Variants in ACYP2 observed in about 807,000 individuals in gnomAD.
ACYP2 encodes acylphosphatase-2.
Under a neutral mutation model 11.2 loss-of-function variants are expected in ACYP2, and 12 were observed. That is an observed-to-expected ratio of 1.08 (90% CI 0.69 to 1.74). ACYP2 has a LOEUF of 1.74. Ranked by LOEUF, ACYP2 falls within the 40% of genes most tolerant of loss-of-function variation. The probability of loss-of-function intolerance (pLI) is 0.00; values close to 1 mark genes in which losing one functional copy is unlikely to be tolerated. For missense variants in ACYP2, 134 were observed against 101.9 expected, an observed-to-expected ratio of 1.31 and a Z score of -1.35; for synonymous variants, 43 against 32.2, an observed-to-expected ratio of 1.33 and a Z score of -1.13.
At chr2:54,223,951 C>T (rs1278479932) in intron 6 of ACYP2, among the ~76,000 whole-genome samples, 1 of 151,852 alleles carries the variant, frequency 6.6e-6, no homozygotes, top group South Asian at 2.1e-4. Context: ...TATATTCTTA[C>T]CTAATTAAAG....
At chr2:54,049,484 C>G (rs978252467) in intron 2 of ACYP2, among the ~76,000 whole-genome samples, 1 of 152,164 alleles carries the variant, frequency 6.6e-6, no homozygotes, top group African/African-American at 2.4e-5. Context: ...CAAAACCTTC[C>G]CTTGTCAAAA....
chr2:54,115,467 GCCTGGGGCCCAGCGGCCTCTTCCCT>G (rs1572786019), intron 4 of ACYP2, 123 bp from the exon 1 acceptor site: 1 of 1,148,258 alleles, frequency 8.7e-7, no homozygotes, highest in Non-Finnish European at 1.2e-6. Flanking sequence ...GGCCTAGGAT[GCCTGGGGCCCAGCGGCCTCTTCCCT>G]CCTGGCGTCC....
chr2:54,115,581 C>T (rs777972525), intron 4 of ACYP2, 34 bp from the exon 1 acceptor site: 83 of 1,540,844 alleles, frequency 5.4e-5, no homozygotes, highest in Non-Finnish European at 6.4e-5. Context: ...GCGTCCGGGA[C>T]CGGTGACAGG....
At chr2:53,971,642 G>C (rs1255949803) in intron 1 of ACYP2, among the ~76,000 whole-genome samples, 1 of 152,188 alleles carries the variant, frequency 6.6e-6, no homozygotes. Context: ...CAGAGATAAA[G>C]ACGTGAATTA....
chr2:54,135,350 C>A, intron 4 of ACYP2, 103 bp from the exon 2 acceptor site: 1 of 1,049,084 alleles, frequency 9.5e-7, no homozygotes, highest in Non-Finnish European at 1.4e-6. Context: ...GAAGGTGAAA[C>A]CAAGGATAAA....
intron 6 of ACYP2, among the ~76,000 whole-genome samples, chr2:54,278,751 T>C (rs570825166): frequency 1.2e-4 from 19 of 152,368 alleles, no homozygotes; most frequent in East Asian, 5.8e-4. Flanking sequence ...TAATGAAACA[T>C]ACCTATTTAC....
chr2:54,280,827 G>A (rs953857834), intron 6 of ACYP2, among the ~76,000 whole-genome samples: 3 of 152,126 alleles, frequency 2.0e-5, no homozygotes, highest in East Asian at 1.9e-4. Context: ...AAACTTAATC[G>A]ATAGGAAGAA....
At chr2:54,171,104 C>T (rs1683203254) in intron 6 of ACYP2, among the ~76,000 whole-genome samples, 1 of 152,178 alleles carries the variant, frequency 6.6e-6, no homozygotes, top group South Asian at 2.1e-4. Context: ...TGAGCCAGAG[C>T]TCCTCTCAAG....
intron 6 of ACYP2, among the ~76,000 whole-genome samples, chr2:54,219,881 G>GTGTGTGTATATATATA (rs1222539416): frequency 1.0e-5 from 1 of 99,472 alleles, no homozygotes; most frequent in Non-Finnish European, 1.9e-5. Context: ...GTGTGTGTGT[G>GTGTGTGTATATATATA]TATATATATA....
At chr2:54,069,593 C>T (rs1226822913) in intron 4 of ACYP2, among the ~76,000 whole-genome samples, 4 of 152,068 alleles carry the variant, frequency 2.6e-5, no homozygotes, top group Non-Finnish European at 4.4e-5. Context: ...ACCCGGGAGG[C>T]GGAGCTTGCA....
At chr2:54,255,267 C>A in intron 6 of ACYP2, 1 of 1,614,182 alleles carries the variant, frequency 6.2e-7, no homozygotes, top group South Asian at 1.1e-5. Flanking sequence ...GAAAGAAGAA[C>A]TTAAACTTGC....
intron 6 of ACYP2, among the ~76,000 whole-genome samples, chr2:54,235,078 A>T (rs972273652): frequency 3.9e-5 from 6 of 152,052 alleles, no homozygotes; most frequent in African/African-American, 7.2e-5. Context: ...CTTTTTGAAG[A>T]CCCCTATTAT....
intron 4 of ACYP2, among the ~76,000 whole-genome samples, chr2:54,114,010 A>G (rs1435259734): frequency 6.6e-6 from 1 of 152,118 alleles, no homozygotes; most frequent in African/African-American, 2.4e-5. Context: ...TAACTGCACT[A>G]GCATTTCCAG....
chr2:54,277,672 C>T (rs917546293), intron 6 of ACYP2, among the ~76,000 whole-genome samples: 7 of 150,554 alleles, frequency 4.6e-5, no homozygotes, highest in East Asian at 1.9e-4. Context: ...AGAGAGACTC[C>T]GTCTTAAAAA....
chr2:54,162,542 G>A (rs1320886732), intron 6 of ACYP2, among the ~76,000 whole-genome samples: 1 of 152,110 alleles, frequency 6.6e-6, no homozygotes, highest in Non-Finnish European at 1.5e-5. Context: ...TGTTAGAAAT[G>A]CAGATTCTCG....
intron 6 of ACYP2, among the ~76,000 whole-genome samples, chr2:54,211,237 T>C (rs1685318837): frequency 6.6e-6 from 1 of 152,202 alleles, no homozygotes; most frequent in Non-Finnish European, 1.5e-5. Context: ...GATTCATAAA[T>C]TTTTGTTTTA....
intron 6 of ACYP2, among the ~76,000 whole-genome samples, chr2:54,187,133 A>G (rs1684044124): frequency 6.6e-6 from 1 of 152,212 alleles, no homozygotes; most frequent in South Asian, 2.1e-4. Flanking sequence ...TACGTTTACT[A>G]TAAGCCAAGA....
At chr2:54,297,740 T>C (rs1203271343) in intron 6 of ACYP2, among the ~76,000 whole-genome samples, 1 of 136,822 alleles carries the variant, frequency 7.3e-6, no homozygotes, top group Non-Finnish European at 1.5e-5. Flanking sequence ...AAAAGCATCT[T>C]GTTCAAAATA....
intron 6 of ACYP2, among the ~76,000 whole-genome samples, chr2:54,288,908 A>T (rs939328910): frequency 6.6e-6 from 1 of 151,958 alleles, no homozygotes; most frequent in Non-Finnish European, 1.5e-5. Context: ...AGTTTCTTCC[A>T]CAGCAGGACC....
Sources: allele counts gnomAD v4.1 joint callset (sites outside exome capture counted in the v4.1 genomes callset), GRCh38; gene constraint gnomAD v4.1.1; transcripts MANE v1.5; gene names NCBI Gene and HGNC (gene_info 2026-07-23, HGNC 2026-07-21).